Variants in IL1RL2 observed in about 807,000 individuals in gnomAD.
IL1RL2 encodes the protein interleukin-1 receptor-like 2.
IL1RL2 carries 68 observed loss-of-function variants against 66.8 expected under a neutral mutation model. The observed-to-expected ratio is 1.02, with a 90% CI of 0.84 to 1.25. The LOEUF (loss-of-function observed/expected upper bound fraction) is 1.25. Ranked by LOEUF, IL1RL2 falls within the 50% of genes most tolerant of loss-of-function variation. The pLI is 0.00. For synonymous variants in IL1RL2, 305 were observed against 264.6 expected (o/e 1.15, Z -1.48); for missense variants, 729 against 709.3 (o/e 1.03, Z -0.32).
chr2:102,219,013 G>T lies in IL1RL2; in HGVS notation c.785G>T (p.Cys262Phe). 1 of 1,613,734 alleles carries T rather than the reference G, an allele frequency of 6.2e-7. No individual in the cohort carries two copies. Among genetic ancestry groups the T allele is most frequent in the South Asian group, 1.1e-5 (1 of 91,068 alleles). The change falls in exon 7 of 12, where the codon TGC (cysteine) becomes TTC (phenylalanine). Residue 262 changes from cysteine to phenylalanine, a missense_variant. Cys to Phe is a radical substitution (Grantham distance 205). Transcript: ENST00000264257. ...TDTKDNTNLR[C>F]WRVNNTLVDD... The stretch of plus-strand genomic sequence containing the variant: ...ACCAAGGATAATACAAATCTACGAT[G>T]CTGGAGAGTCAATAACACTTTGGTG...
At chr2:102,208,400 C>T (rs1437409950) in intron 5 of IL1RL2, among the ~76,000 whole-genome samples, 1 of 152,200 alleles carries the variant, frequency 6.6e-6, no homozygotes, top group Non-Finnish European at 1.5e-5. Context: ...GAAACAGAGC[C>T]AGAGCTCTGG....
At chr2:102,192,265 A>G (rs1156977183) in intron 4 of IL1RL2, 145 bp downstream of exon 4, 1 of 520,988 alleles carries the variant, frequency 1.9e-6, no homozygotes, top group Non-Finnish European at 3.4e-6. Context: ...AGTCATTGAT[A>G]ACGTTACCTT....
At position 102,201,645 on chromosome 2, in the gene IL1RL2, C is replaced by T. The variant is rs372158050; in HGVS notation, c.579C>T (p.Tyr193=). ...TCTCGGCAGAGGACAGAGGGAACTA[C>T]GCGTGTCAAGCCATACTGACACACT... ...SNVSAEDRGN[Y]ACQAILTHSG... The change falls in exon 5 of 12, where the codon TAC becomes TAT. Residue 193 remains tyrosine, a synonymous_variant. Coordinates refer to ENST00000264257, the MANE Select transcript of IL1RL2 (RefSeq NM_003854.4). 2.2e-4 allele frequency: 363 copies of T among 1,613,992 alleles called. No homozygotes were observed. The highest frequency in any genetic ancestry group is 1.0e-3 in the South Asian group (94 of 91,072).
chr2:102,239,061 G>A, intron 11 of IL1RL2, 131 bp from the exon 12 acceptor site: 1 of 711,626 alleles, frequency 1.4e-6, no homozygotes, highest in Non-Finnish European at 2.5e-6. Context: ...AGAAATGGAA[G>A]CCTCAGGGAT....
intron 4 of IL1RL2, among the ~76,000 whole-genome samples, chr2:102,195,615 TTCTTTCTTTCTTTCTC>T (rs1330810554): frequency 3.7e-4 from 6 of 16,194 alleles, no homozygotes; most frequent in Non-Finnish European, 6.3e-4. Context: ...CTTTCTTTCT[TTCTTTCTTTCTTTCTC>T]TCTCTCTCTC....
At chr2:102,189,578 C>T (rs1301103812) in intron 3 of IL1RL2, among the ~76,000 whole-genome samples, 1 of 151,962 alleles carries the variant, frequency 6.6e-6, no homozygotes, top group Admixed American at 6.6e-5. Flanking sequence ...ATTATTGCTG[C>T]CATCTTTCTT....
chr2:102,187,827 C>A, intron 1 of IL1RL2, 29 bp from the exon 2 acceptor site: 3 of 1,602,924 alleles, frequency 1.9e-6, no homozygotes, highest in Middle Eastern at 1.7e-4. Flanking sequence ...TGCGTCCTCC[C>A]CTCCCACCCT....
intron 9 of IL1RL2, among the ~76,000 whole-genome samples, chr2:102,232,724 C>T (rs1691245188): frequency 6.6e-6 from 1 of 152,124 alleles, no homozygotes; most frequent in South Asian, 2.1e-4. Context: ...TGTGATGCAG[C>T]CTACCCAGCC....
intron 3 of IL1RL2, among the ~76,000 whole-genome samples, chr2:102,190,111 A>G (rs1414748319): frequency 1.3e-5 from 2 of 152,242 alleles, no homozygotes; most frequent in African/African-American, 4.8e-5. Context: ...GCTAAGAAAT[A>G]TGAATAACAC....
intron 8 of IL1RL2, among the ~76,000 whole-genome samples, chr2:102,221,284 T>C (rs1373694194): frequency 2.6e-5 from 4 of 152,186 alleles, no homozygotes; most frequent in African/African-American, 9.7e-5. Context: ...TTTCTTTCTG[T>C]GTCCTCATCC....
chr2:102,201,312 TAC>T (rs911021975), intron 4 of IL1RL2, among the ~76,000 whole-genome samples: 1 of 152,128 alleles, frequency 6.6e-6, no homozygotes, highest in Non-Finnish European at 1.5e-5. Context: ...TATATCTATA[TAC>T]ACACACATGC....
chr2:102,225,005 G>A (rs567209351), intron 8 of IL1RL2, among the ~76,000 whole-genome samples: 5 of 152,244 alleles, frequency 3.3e-5, no homozygotes, highest in African/African-American at 9.6e-5. Context: ...TGTGTGAGGT[G>A]GGTTTTAAGA....
At chr2:102,197,042 T>C (rs1687846687) in intron 4 of IL1RL2, among the ~76,000 whole-genome samples, 1 of 152,188 alleles carries the variant, frequency 6.6e-6, no homozygotes. Context: ...CAGAAAGTTA[T>C]AAAGTAGAAC....
intron 10 of IL1RL2, 109 bp from the exon 11 acceptor site, chr2:102,234,788 A>T: frequency 9.4e-7 from 1 of 1,063,722 alleles, no homozygotes; most frequent in Non-Finnish European, 1.4e-6. Flanking sequence ...CTTCACTTCA[A>T]AAAAAAAAAG....
intron 4 of IL1RL2, among the ~76,000 whole-genome samples, chr2:102,195,224 G>A (rs548145426): frequency 2.8e-4 from 43 of 152,280 alleles, no homozygotes; most frequent in African/African-American, 9.9e-4. Flanking sequence ...CTCTGGTAAT[G>A]AGGTCTCAGA....
intron 11 of IL1RL2, 74 bp downstream of exon 11, chr2:102,235,351 G>T: frequency 6.4e-7 from 1 of 1,551,496 alleles, no homozygotes; most frequent in Non-Finnish European, 8.7e-7. Context: ...GCTCACAGCT[G>T]GAGGAGGACA....
intron 5 of IL1RL2, 136 bp from the exon 6 acceptor site, chr2:102,211,964 G>T: frequency 2.0e-6 from 1 of 503,402 alleles, no homozygotes; most frequent in Admixed American, 3.5e-5. Context: ...GGTTGAAAAT[G>T]TGTATTTATG....
rs531412924 is a variant in IL1RL2, at chr2:102,235,224, G to T, written c.1625G>T (p.Arg542Leu). The T allele has an allele frequency of 1.4e-4, 222 of 1,614,132 alleles. 1 individual carries two copies. The South Asian group carries it at 2.0e-3, about 14-fold the overall frequency. ...TACCACATGCCGCCCAGAAGGTGTC[G>T]GCCGTTTCCTCCGGTCCAGCTGCTG... ...VRYHMPPRRC[R>L]PFPPVQLLQH... The change falls in exon 11 of 12, where the codon CGG becomes CTG. Residue 542 changes from arginine to leucine, a missense_variant. Transcript: ENST00000264257.
intron 9 of IL1RL2, among the ~76,000 whole-genome samples, chr2:102,227,808 G>GTC (rs1009690475): frequency 2.6e-4 from 40 of 152,142 alleles, no homozygotes; most frequent in African/African-American, 8.7e-4. Context: ...CTCTCTCACT[G>GTC]TCTCTCTCTC....
Sources: gnomAD v4.1 joint callset for allele counts (sites outside exome capture counted in the v4.1 genomes callset) on GRCh38, gnomAD v4.1.1 for gene constraint, MANE v1.5 for transcripts, NCBI Gene and HGNC (gene_info 2026-07-23, HGNC 2026-07-21) for gene names.